TLE6: variants seen among roughly 807,000 people sequenced by gnomAD.
TLE6 encodes the protein TLE family member 6, subcortical maternal complex member.
Under a neutral mutation model 77.1 loss-of-function variants are expected in TLE6, and 72 were observed. That is an observed-to-expected ratio of 0.93 (90% confidence interval 0.77 to 1.14). The LOEUF (loss-of-function observed/expected upper bound fraction) is 1.14. Ranked by LOEUF, TLE6 falls within the 50% of genes most tolerant of loss-of-function variation. The probability of loss-of-function intolerance (pLI) is 0.00; values close to 1 mark genes in which losing one functional copy is unlikely to be tolerated. For synonymous variants in TLE6, 366 were observed against 287.3 expected, an observed-to-expected ratio of 1.27 and a Z score of -2.77; for missense variants, 843 against 747.6, an observed-to-expected ratio of 1.13 and a Z score of -1.49.
chr19:2,987,682 C>A, intron 8 of TLE6, 42 bp from the exon 9 acceptor site: 1 of 1,608,616 alleles, frequency 6.2e-7, no homozygotes, highest in Non-Finnish European at 8.5e-7. Context: ...CTGGTCCTAA[C>A]AGGCAGGTCA....
chr19:2,991,832 C>G lies in TLE6; in HGVS notation c.1245-11C>G. On this transcript the variant is annotated splice_polypyrimidine_tract_variant and intron_variant, in intron 13 of 16. Transcript: ENST00000246112. ...TTGACCTGATTGCCTCCCGATGTCC[C>G]TTCTGGCCAGGGACCTCAAGGGTTA... The G allele has an allele frequency of 6.2e-7, 1 of 1,613,378 alleles. No homozygotes were observed. Among genetic ancestry groups the G allele is most frequent in the South Asian group, 1.1e-5 (1 of 91,048 alleles).
intron 2 of TLE6, among the ~76,000 whole-genome samples, chr19:2,978,994 T>G (rs1333760506): frequency 6.6e-6 from 1 of 151,830 alleles, no homozygotes; most frequent in Non-Finnish European, 1.5e-5. Context: ...CACACTCACC[T>G]CGGCTGGAAT....
intron 14 of TLE6, among the ~76,000 whole-genome samples, chr19:2,992,793 A>AGG (rs1555686685): frequency 1.0e-4 from 2 of 19,748 alleles, no homozygotes; most frequent in Non-Finnish European, 1.6e-4. Context: ...AAAAAAAAAA[A>AGG]GGGGGGGAGG....
chr19:2,979,997 C>T, intron 2 of TLE6, 103 bp from the exon 3 acceptor site: 4 of 619,352 alleles, frequency 6.5e-6, no homozygotes, highest in South Asian at 1.8e-5. Context: ...ACCACAATTA[C>T]TTTTGCACCA....
chr19:2,992,582 G>T (rs1223721348), intron 14 of TLE6, among the ~76,000 whole-genome samples: 1 of 151,810 alleles, frequency 6.6e-6, no homozygotes, highest in Non-Finnish European at 1.5e-5. Context: ...ACCAGCCTGG[G>T]CAACATAGTG....
chr19:2,989,903 A>T (rs2047588641), intron 13 of TLE6, 118 bp downstream of exon 13: 1 of 1,406,244 alleles, frequency 7.1e-7, no homozygotes, highest in Non-Finnish European at 9.7e-7. Flanking sequence ...CCTGGGATAT[A>T]GCACTCTCCC....
intron 16 of TLE6, among the ~76,000 whole-genome samples, chr19:2,994,327 T>C (rs1376068427): frequency 6.6e-6 from 1 of 151,820 alleles, no homozygotes; most frequent in Non-Finnish European, 1.5e-5. Context: ...AATAATTAGC[T>C]GAGCCGGGTG....
rs1363805469 is a variant in TLE6, at chr19:2,992,810, G to C, written c.1387-622G>C. Among the ~76,000 whole-genome samples, 9 of 9,882 alleles carry C rather than the reference G, an allele frequency of 9.1e-4. 3 individuals carry two copies. Among genetic ancestry groups the C allele is most frequent in the Non-Finnish European group, 1.7e-3 (8 of 4,806 alleles). 6.5% of individuals were successfully genotyped at this position (9,882 alleles called of 152,430 possible). Reference sequence around the variant, plus strand: ...AAAAAAAAAGGGGGGGAGGCGGGTGGGGGGGGGGGAGGATGAACTCTGGGA... The same window carrying C: ...AAAAAAAAAGGGGGGGAGGCGGGTGCGGGGGGGGGAGGATGAACTCTGGGA... On this transcript the variant is annotated intron_variant, in intron 14 of 16. Transcript: ENST00000246112.
At chr19:2,985,833 T>C (rs550721413) in intron 5 of TLE6, among the ~76,000 whole-genome samples, 1 of 150,944 alleles carries the variant, frequency 6.6e-6, no homozygotes, top group South Asian at 2.1e-4. Flanking sequence ...CCCAGCACTT[T>C]GGGAGGCCAA....
intron 15 of TLE6, 58 bp downstream of exon 15, chr19:2,993,640 C>T (rs2089138049): frequency 6.6e-7 from 1 of 1,511,448 alleles, no homozygotes; most frequent in Non-Finnish European, 8.9e-7. Flanking sequence ...TCCCACAAGA[C>T]CCCACCTAAT....
rs979809346 is a variant in TLE6 at position 2,978,180 on chromosome 19, G to A, written c.-36-18G>A. The A allele has an allele frequency of 9.1e-6, 14 of 1,535,802 alleles. No individual in the cohort carries two copies. The highest frequency in any genetic ancestry group is 4.1e-5 in the African/African-American group (3 of 72,686). ...TATTTTCTGTCCCTCAAGACCTGCC[G>A]TCTCCTTGTTGTTTTAGACTCTGGC... On this transcript the variant is annotated intron_variant, in intron 1 of 16. Coordinates refer to ENST00000246112, the MANE Select transcript of TLE6 (RefSeq NM_001143986.2).
chr19:2,978,615 G>A (rs1157147832), intron 2 of TLE6, among the ~76,000 whole-genome samples: 3 of 152,102 alleles, frequency 2.0e-5, no homozygotes, highest in Non-Finnish European at 2.9e-5. Flanking sequence ...AATCAGCTGG[G>A]CCTAGTGACG....
intron 1 of TLE6, 28 bp from the exon 2 acceptor site, chr19:2,978,170 A>G: frequency 1.3e-6 from 2 of 1,521,870 alleles, no homozygotes; most frequent in Non-Finnish European, 1.8e-6. Context: ...TCTGTCCCTC[A>G]AGACCTGCCG....
In TLE6 at chr19:2,994,060, G is replaced by A. The variant is rs201913892; in HGVS notation, c.1579G>A (p.Val527Ile). The A allele has an allele frequency of 4.0e-5, 64 of 1,608,758 alleles. 1 individual carries two copies. The highest frequency in any genetic ancestry group is 2.5e-4 in the East Asian group (11 of 44,758). ...ASVGMDDFLG[V>I]YSMPAGTKVF... The stretch of plus-strand genomic sequence containing the variant: ...CGTTGGAATGGACGACTTCCTTGGC[G>A]TCTACAGCATGCCGGCGGGGACAAA... Residue 527 changes from valine to isoleucine, a missense_variant, in exon 16 of 17, where the codon GTC becomes ATC. Val to Ile is a conservative substitution (Grantham distance 29, BLOSUM62 3). Coordinates refer to ENST00000246112, the MANE Select transcript of TLE6 (RefSeq NM_001143986.2).
At chr19:2,984,995 A>C (rs1286279928) in intron 5 of TLE6, among the ~76,000 whole-genome samples, 1 of 151,852 alleles carries the variant, frequency 6.6e-6, no homozygotes, top group Non-Finnish European at 1.5e-5. Context: ...TCACGCCTGT[A>C]ATCCCAGCAC....
rs763388594 is a variant in TLE6 at position 2,989,544 on chromosome 19, G to A, written c.1003G>A (p.Ala335Thr). 15 of 1,611,844 alleles carry A rather than the reference G, an allele frequency of 9.3e-6. No homozygotes were observed. The African/African-American group carries it at 2.0e-4, about 22-fold the overall frequency. The change falls in exon 13 of 17, where the codon GCC becomes ACC. Residue 335 changes from alanine to threonine, a missense_variant. Transcript: ENST00000246112. The part of the protein sequence containing the change: ...ESHLPIQTPG[A>T]FLRTCLLSSN... ...ACTCTGCCCATCCCAGACCCCTGGG[G>A]CCTTCCTGCGCACCTGCCTGCTGTC...
In TLE6 at chr19:2,980,099, G is replaced by A; in HGVS notation, c.52-1G>A. On this transcript the variant is annotated splice_acceptor_variant, in intron 2 of 16. Coordinates refer to ENST00000246112, the MANE Select transcript of TLE6 (RefSeq NM_001143986.2). LOFTEE classifies it high-confidence loss of function. ...ATGTAACCTTGCTTTGACCTTTCCA[G>A]CCTTGTCCTGGGATCTCGAACTCTG... The A allele has an allele frequency of 6.5e-7, 1 of 1,550,114 alleles. No homozygotes were observed. The highest frequency in any genetic ancestry group is 8.7e-7 in the Non-Finnish European group (1 of 1,145,990).
At chr19:2,990,497 G>A (rs940234676) in intron 13 of TLE6, among the ~76,000 whole-genome samples, 5 of 150,512 alleles carry the variant, frequency 3.3e-5, no homozygotes, top group Admixed American at 1.3e-4. Context: ...CCAGCTACTC[G>A]GGAGGCTGAG....
rs1256892446 is a variant in TLE6 at position 2,993,558 on chromosome 19, C to A, written c.1513C>A (p.Leu505Met). ...GGTGGGGCAAAAAGACAGCGTCATCCTGAGCGTCAAGTTCTCCCCCTTTGG... is the reference window on the plus strand; with the variant it reads ...GGTGGGGCAAAAAGACAGCGTCATCATGAGCGTCAAGTTCTCCCCCTTTGG... ...HMVGQKDSVI[L>M]SVKFSPFGQW... The change falls in exon 15 of 17, where the codon CTG (leucine) becomes ATG (methionine). Residue 505 changes from leucine to methionine, a missense_variant. Leu to Met is a conservative substitution (Grantham distance 15, BLOSUM62 2). Coordinates refer to ENST00000246112, the MANE Select transcript of TLE6 (RefSeq NM_001143986.2). 7.0e-6 allele frequency: 11 copies of A among 1,578,912 alleles called. No homozygotes were observed. The highest frequency in any genetic ancestry group is 9.5e-6 in the Non-Finnish European group (11 of 1,155,606).
Sources: allele counts gnomAD v4.1 joint callset (sites outside exome capture counted in the v4.1 genomes callset), GRCh38; gene constraint gnomAD v4.1.1; transcripts MANE v1.5; gene names NCBI Gene and HGNC (gene_info 2026-07-23, HGNC 2026-07-21).